The following REC114 variants were observed in gnomAD, a reference collection of about 807,000 sequenced individuals.
REC114 encodes meiotic recombination protein REC114.
Under a neutral mutation model 31.3 loss-of-function variants are expected in REC114, and 27 were observed. The observed-to-expected ratio is 0.86, with a 90% confidence interval of 0.64 to 1.19. The LOEUF (loss-of-function observed/expected upper bound fraction) is 1.19. REC114 is among the 50% of genes most tolerant of loss of function. The pLI is 0.00. For missense variants in REC114, 344 were observed against 326.9 expected (o/e 1.05, Z -0.40); for synonymous variants, 134 against 127.7 (o/e 1.05, Z -0.33).
intron 2 of REC114, among the ~76,000 whole-genome samples, chr15:73,520,288 G>A (rs1410093369): frequency 6.6e-6 from 1 of 152,010 alleles, no homozygotes; most frequent in East Asian, 1.9e-4. Context: ...CTGGAGTGCA[G>A]TGGCACAGTC....
chr15:73,469,852 T>C (rs901921975), intron 1 of REC114, among the ~76,000 whole-genome samples: 20 of 151,824 alleles, frequency 1.3e-4, no homozygotes, highest in Non-Finnish European at 2.7e-4. Flanking sequence ...GCCCGGCTAA[T>C]TTTTTGTATT....
At chr15:73,506,929 A>G (rs1207861727) in intron 2 of REC114, among the ~76,000 whole-genome samples, 1 of 152,204 alleles carries the variant, frequency 6.6e-6, no homozygotes. Flanking sequence ...TCCATAGCCA[A>G]CTAAAAAAAA....
intron 2 of REC114, among the ~76,000 whole-genome samples, chr15:73,508,052 A>G (rs1893705187): frequency 6.6e-6 from 1 of 152,142 alleles, no homozygotes; most frequent in Non-Finnish European, 1.5e-5. Flanking sequence ...GCACTTAATC[A>G]TAATCAGTGG....
chr15:73,519,670 C>T (rs1372676716), intron 2 of REC114, among the ~76,000 whole-genome samples: 1 of 152,206 alleles, frequency 6.6e-6, no homozygotes, highest in East Asian at 1.9e-4. Flanking sequence ...AAGAGATATT[C>T]GTACACTCAT....
At position 73,501,041 on chromosome 15, in the gene REC114, A is replaced by C. The variant is rs549374166; in HGVS notation, c.249+27120A>C. 1.9e-4 allele frequency among the ~76,000 whole-genome samples: 29 copies of C among 152,344 alleles called. No individual in the cohort carries two copies. In the South Asian group the frequency reaches 2.9e-3, roughly 15 times the overall value. On this transcript the variant is annotated intron_variant, in intron 2 of 5. Transcript: ENST00000331090. The stretch of plus-strand genomic sequence containing the variant: ...CATGGCTCAAAGGCCTTGTTTGGGA[A>C]GGCAGTGATTCACATCACTTATATA...
At chr15:73,485,028 A>G (rs1893346517) in intron 2 of REC114, among the ~76,000 whole-genome samples, 1 of 152,208 alleles carries the variant, frequency 6.6e-6, no homozygotes, top group Non-Finnish European at 1.5e-5. Flanking sequence ...TAACTACAGA[A>G]TCTTCTAAAA....
At chr15:73,524,861 A>T (rs1024136443) in intron 2 of REC114, among the ~76,000 whole-genome samples, 1 of 152,196 alleles carries the variant, frequency 6.6e-6, no homozygotes, top group African/African-American at 2.4e-5. Flanking sequence ...AGCCTCCCAA[A>T]GTTCTGGGAT....
At chr15:73,488,961 G>A (rs1281644725) in intron 2 of REC114, among the ~76,000 whole-genome samples, 1 of 152,146 alleles carries the variant, frequency 6.6e-6, no homozygotes, top group Non-Finnish European at 1.5e-5. Flanking sequence ...CATTTGTGCA[G>A]CTATAACAAA....
rs749007995 is a variant in REC114, at chr15:73,559,843, T to TGGATCAGAATTTCCCAGC, written c.729_746dup (p.Asp244_Ala249dup). 1 of 1,612,784 alleles carries TGGATCAGAATTTCCCAGC rather than the reference T, an allele frequency of 6.2e-7. No homozygotes were observed. The highest frequency in any genetic ancestry group is 8.5e-7 in the Non-Finnish European group (1 of 1,179,504). ...GGCCCCTTCCTACGTTTGTGCCTTA[T>TGGATCAGAATTTCCCAGC]GGATCAGAATTTCCCAGCATTTGTG... On this transcript the variant is annotated inframe_insertion, in exon 6 of 6. Coordinates refer to ENST00000331090, the MANE Select transcript of REC114 (RefSeq NM_001042367.2).
chr15:73,504,372 G>A (rs1027077038), intron 2 of REC114, among the ~76,000 whole-genome samples: 1 of 151,894 alleles, frequency 6.6e-6, no homozygotes, highest in South Asian at 2.1e-4. Flanking sequence ...TTTTGTATAG[G>A]AATTCAATAT....
intron 1 of REC114, among the ~76,000 whole-genome samples, chr15:73,457,374 C>T (rs1324160429): frequency 6.6e-6 from 1 of 152,122 alleles, no homozygotes; most frequent in East Asian, 1.9e-4. Context: ...TCAGCTGAAG[C>T]AGAGGAGGAG....
chr15:73,543,941 GCTTT>G (rs1384558989), intron 3 of REC114, among the ~76,000 whole-genome samples: 6 of 117,990 alleles, frequency 5.1e-5, no homozygotes, highest in African/African-American at 1.8e-4. Flanking sequence ...CTGTTAACTG[GCTTT>G]TTTTTTTTTT....
At chr15:73,459,996 C>T (rs1224418661) in intron 1 of REC114, among the ~76,000 whole-genome samples, 1 of 152,034 alleles carries the variant, frequency 6.6e-6, no homozygotes, top group Non-Finnish European at 1.5e-5. Context: ...TGAATTATGT[C>T]ATGTACATTG....
chr15:73,545,349 CTGACTTT>C (rs1377470080), intron 3 of REC114, among the ~76,000 whole-genome samples: 1 of 152,148 alleles, frequency 6.6e-6, no homozygotes, highest in Non-Finnish European at 1.5e-5. Flanking sequence ...GAAGCTCTTT[CTGACTTT>C]TAATTATGGC....
At chr15:73,514,262 T>C (rs1481344499) in intron 2 of REC114, among the ~76,000 whole-genome samples, 1 of 151,614 alleles carries the variant, frequency 6.6e-6, no homozygotes, top group Non-Finnish European at 1.5e-5. Context: ...CCTGACCCCT[T>C]GCGCTTCCCA....
chr15:73,453,346 C>T (rs887828556), intron 1 of REC114, among the ~76,000 whole-genome samples: 85 of 152,212 alleles, frequency 5.6e-4, no homozygotes, highest in Admixed American at 2.7e-3. Context: ...GACATTTATG[C>T]AGCCAACAAA....
intron 2 of REC114, among the ~76,000 whole-genome samples, chr15:73,501,540 G>A (rs1346479972): frequency 1.3e-5 from 2 of 152,120 alleles, no homozygotes; most frequent in Non-Finnish European, 2.9e-5. Flanking sequence ...CGCCTCCCAG[G>A]TTCAAGAGAG....
At chr15:73,447,836 TG>T (rs1323610913) in intron 1 of REC114, among the ~76,000 whole-genome samples, 1 of 151,894 alleles carries the variant, frequency 6.6e-6, no homozygotes, top group Non-Finnish European at 1.5e-5. Context: ...GTGCAGGCCA[TG>T]GGGGGTGAGC....
intron 2 of REC114, among the ~76,000 whole-genome samples, chr15:73,477,792 A>T (rs866523793): frequency 2.6e-5 from 4 of 152,148 alleles, no homozygotes; most frequent in Admixed American, 6.5e-5. Context: ...CTAGTTCATT[A>T]TGAATTTTTT....
Sources: gnomAD v4.1 joint callset for allele counts (sites outside exome capture counted in the v4.1 genomes callset) on GRCh38, gnomAD v4.1.1 for gene constraint, MANE v1.5 for transcripts, NCBI Gene and HGNC (gene_info 2026-07-23, HGNC 2026-07-21) for gene names.